Variants in CCSER1 observed in about 807,000 individuals in gnomAD.
CCSER1 encodes the protein coiled-coil serine rich protein 1.
A neutral mutation model predicts 82.0 loss-of-function variants in CCSER1; 41 were observed. The observed-to-expected ratio is 0.50, with a 90% CI of 0.39 to 0.65. The LOEUF (loss-of-function observed/expected upper bound fraction) is 0.65. CCSER1 is among the 30% of genes least tolerant of loss of function. CCSER1 has a pLI of 0.00. For synonymous variants in CCSER1, 414 were observed against 383.9 expected, an observed-to-expected ratio of 1.08 and a Z score of -0.92; for missense variants, 1,119 against 1,064.2, an observed-to-expected ratio of 1.05 and a Z score of -0.72.
rs1380681654 is a variant in CCSER1, at chr4:91,495,758, T to A, written c.2218-102814T>A. Among the ~76,000 whole-genome samples the A allele has an allele frequency of 2.0e-5, 3 of 151,590 alleles. No homozygotes were observed. In the Admixed American group the frequency reaches 2.0e-4, roughly 10 times the overall value. On this transcript the variant is annotated intron_variant, in intron 10 of 10. Transcript: ENST00000509176. The stretch of plus-strand genomic sequence containing the variant: ...ATAATAAAGTAAGATATTAATTTTA[T>A]CAGTATTGGTCTATTATCTTTCCCT...
intron 10 of CCSER1, among the ~76,000 whole-genome samples, chr4:91,379,027 G>T (rs1462585991): frequency 1.3e-5 from 2 of 151,982 alleles, no homozygotes; most frequent in African/African-American, 4.8e-5. Flanking sequence ...TTTTGTCTTT[G>T]GTTCTGTTTA....
intron 4 of CCSER1, among the ~76,000 whole-genome samples, chr4:90,413,898 A>G (rs182252434): frequency 0.097 from 13,185 of 135,276 alleles, 953 homozygotes; most frequent in East Asian, 0.37. Context: ...GCAGTGAGCC[A>G]AGATTGCGCC....
At chr4:90,485,488 G>A (rs1050296830) in intron 5 of CCSER1, among the ~76,000 whole-genome samples, 4 of 151,480 alleles carry the variant, frequency 2.6e-5, no homozygotes, top group African/African-American at 9.7e-5. Context: ...CTGCAGACTG[G>A]AGCTGTTCCT....
At chr4:90,316,139 C>T (rs978011469) in intron 3 of CCSER1, among the ~76,000 whole-genome samples, 3 of 152,178 alleles carry the variant, frequency 2.0e-5, no homozygotes, top group Non-Finnish European at 4.4e-5. Flanking sequence ...TCAGTCCTCA[C>T]AACAGTACTA....
At chr4:91,021,575 A>G (rs888459330) in intron 9 of CCSER1, among the ~76,000 whole-genome samples, 4 of 152,184 alleles carry the variant, frequency 2.6e-5, no homozygotes, top group Non-Finnish European at 5.9e-5. Context: ...TTATTCAAAA[A>G]CATTGTTTTG....
At position 90,143,670 on chromosome 4, in the gene CCSER1, C is replaced by T. The variant is rs185007058; in HGVS notation, c.-42+15839C>T. ...ATGCTTCCTAGAATCAATTATTTTA[C>T]TTCTCCATTCCTACTTTTTTTTTTT... On this transcript the variant is annotated intron_variant, in intron 1 of 10. Transcript: ENST00000509176. Among the ~76,000 whole-genome samples, 426 of 148,558 alleles carry T rather than the reference C, an allele frequency of 2.9e-3. 1 individual carries two copies. Among genetic ancestry groups the T allele is most frequent in the Middle Eastern group, 0.011 (3 of 284 alleles).
intron 9 of CCSER1, among the ~76,000 whole-genome samples, chr4:91,000,971 G>C (rs1023751113): frequency 2.0e-5 from 3 of 152,078 alleles, no homozygotes; most frequent in African/African-American, 7.2e-5. Context: ...TTAATAAGGG[G>C]TGCTGAGAGA....
chr4:90,474,696 G>T (rs1764825849), intron 5 of CCSER1, among the ~76,000 whole-genome samples: 2 of 152,190 alleles, frequency 1.3e-5, no homozygotes, highest in Admixed American at 1.3e-4. Flanking sequence ...ATGGAGGATA[G>T]ACTGAGTGGC....
At chr4:91,557,842 T>C (rs531060827) in intron 10 of CCSER1, among the ~76,000 whole-genome samples, 149 of 151,550 alleles carry the variant, frequency 9.8e-4, no homozygotes, top group African/African-American at 3.1e-3. Context: ...TATAGGGAAG[T>C]AGTCTCCAAA....
At chr4:90,406,271 A>G (rs181980216) in intron 4 of CCSER1, among the ~76,000 whole-genome samples, 2 of 152,348 alleles carry the variant, frequency 1.3e-5, no homozygotes, top group South Asian at 2.1e-4. Flanking sequence ...GCAAAGAGGG[A>G]CACTATATAA....
intron 4 of CCSER1, among the ~76,000 whole-genome samples, chr4:90,419,008 A>G (rs927755780): frequency 6.6e-6 from 1 of 151,984 alleles, no homozygotes; most frequent in African/African-American, 2.4e-5. Context: ...GAGCACTGTT[A>G]TTTGTGCATG....
chr4:90,522,863 T>C lies in CCSER1; in HGVS notation c.1724+54509T>C, dbSNP rs868350115. Reference sequence around the variant, plus strand: ...CATAGTACCTGTTTCATAGTTGGCATTGATTAAATATGAATTGAATGATTT... The same window carrying C: ...CATAGTACCTGTTTCATAGTTGGCACTGATTAAATATGAATTGAATGATTT... On this transcript the variant is annotated intron_variant, in intron 5 of 10. Transcript: ENST00000509176. Among the ~76,000 whole-genome samples the C allele has an allele frequency of 3.3e-5, 5 of 152,314 alleles. No homozygotes were observed. In the Middle Eastern group the frequency reaches 0.014, roughly 414 times the overall value.
chr4:91,255,924 C>T (rs949897666), intron 10 of CCSER1, among the ~76,000 whole-genome samples: 1 of 152,010 alleles, frequency 6.6e-6, no homozygotes, highest in African/African-American at 2.4e-5. Context: ...TGTGTTTGAA[C>T]AATATGAGAT....
At chr4:91,522,282 C>G (rs992160246) in intron 10 of CCSER1, among the ~76,000 whole-genome samples, 1 of 152,122 alleles carries the variant, frequency 6.6e-6, no homozygotes, top group African/African-American at 2.4e-5. Flanking sequence ...GTTACTGTAG[C>G]CTTGTAGTAT....
chr4:90,201,100 A>C (rs1280581217), intron 1 of CCSER1, among the ~76,000 whole-genome samples: 2 of 152,200 alleles, frequency 1.3e-5, no homozygotes, highest in Non-Finnish European at 2.9e-5. Flanking sequence ...GCCAATTCTT[A>C]GAGTGCATGC....
chr4:90,841,403 C>T (rs1005675279), intron 8 of CCSER1, among the ~76,000 whole-genome samples: 2 of 151,472 alleles, frequency 1.3e-5, no homozygotes, highest in East Asian at 3.9e-4. Flanking sequence ...ACAATGAAAC[C>T]CCGTCTCTAC....
intron 9 of CCSER1, among the ~76,000 whole-genome samples, chr4:90,998,723 GT>G (rs3043069): frequency 0.12 from 18,310 of 150,322 alleles, 1,656 homozygotes; most frequent in African/African-American, 0.27. Context: ...GCATTACACA[GT>G]TTTTTTTTTT....
intron 4 of CCSER1, chr4:90,404,014 A>G (rs1032860984): frequency 3.3e-5 from 5 of 152,208 alleles, no homozygotes; most frequent in African/African-American, 1.2e-4. Context: ...GAGATGGCAA[A>G]AAACTGTGAG....
chr4:90,244,797 TG>T (rs1560868080), intron 1 of CCSER1, among the ~76,000 whole-genome samples: 1 of 152,186 alleles, frequency 6.6e-6, no homozygotes, highest in Non-Finnish European at 1.5e-5. Flanking sequence ...GAATGAGATT[TG>T]CGTGGGGACA....
Sources: allele counts gnomAD v4.1 joint callset (sites outside exome capture counted in the v4.1 genomes callset), GRCh38; gene constraint gnomAD v4.1.1; transcripts MANE v1.5; gene names NCBI Gene and HGNC (gene_info 2026-07-23, HGNC 2026-07-21).